NAP1L1: variants seen among roughly 807,000 people sequenced by gnomAD.
NAP1L1 encodes nucleosome assembly protein 1 like 1, also known as nucleosome assembly protein 1-like 1.
A neutral mutation model predicts 58.9 loss-of-function variants in NAP1L1; 9 were observed. The observed-to-expected ratio is 0.15, with a 90% confidence interval of 0.09 to 0.27. The LOEUF is 0.27. NAP1L1 is among the 10% of genes least tolerant of loss of function. The pLI is 1.00. For synonymous variants in NAP1L1, 130 were observed against 138.3 expected (o/e 0.94, Z 0.42); for missense variants, 302 against 458.8 (o/e 0.66, Z 3.12).
At chr12:76,079,320 G>A (rs1465317495) in intron 1 of NAP1L1, among the ~76,000 whole-genome samples, 1 of 152,184 alleles carries the variant, frequency 6.6e-6, no homozygotes, top group African/African-American at 2.4e-5. Context: ...GAGGCCAGGA[G>A]TTCAAGGCCA....
At chr12:76,061,930 G>A (rs557444148) in intron 4 of NAP1L1, among the ~76,000 whole-genome samples, 2 of 152,302 alleles carry the variant, frequency 1.3e-5, no homozygotes, top group East Asian at 1.9e-4. Flanking sequence ...GAACAAGAAT[G>A]AAGTAACTAC....
intron 1 of NAP1L1, among the ~76,000 whole-genome samples, chr12:76,077,992 A>AAAAG (rs1950253409): frequency 6.6e-6 from 1 of 150,658 alleles, no homozygotes; most frequent in Admixed American, 6.6e-5. Flanking sequence ...AAAAAAAAAA[A>AAAAG]AAAAAAAAAG....
intron 2 of NAP1L1, among the ~76,000 whole-genome samples, chr12:76,071,344 C>T (rs1949942777): frequency 6.6e-6 from 1 of 152,198 alleles, no homozygotes; most frequent in Non-Finnish European, 1.5e-5. Context: ...GGAAATCAAG[C>T]TGTCACAACC....
At chr12:76,053,705 G>C in intron 9 of NAP1L1, 65 bp downstream of exon 9, 1 of 1,537,466 alleles carries the variant, frequency 6.5e-7, no homozygotes. Context: ...AAATAACCGA[G>C]TATACAAATC....
chr12:76,042,153 AT>A lies in NAP1L1; in HGVS notation c.*6275del, dbSNP rs1948557554. On this transcript the variant is annotated 3_prime_UTR_variant, in exon 15 of 15. Coordinates refer to ENST00000618691, the MANE Select transcript of NAP1L1 (RefSeq NM_004537.7). Reference sequence around the variant, plus strand: ...TCAGTGTTCTTATGTACACTGAGTAATGCATCCCTTACACCTAGGAGGAATT... The same window carrying A: ...TCAGTGTTCTTATGTACACTGAGTAAGCATCCCTTACACCTAGGAGGAATT... The A allele has an allele frequency of 6.6e-6, 1 of 152,178 alleles. No homozygotes were observed. The highest frequency in any genetic ancestry group is 2.4e-5 in the African/African-American group (1 of 41,440). 9.4% of individuals were successfully genotyped at this position (152,178 alleles called of 1,614,324 possible). A position where few individuals can be genotyped will look rare whatever the true frequency, so the allele number is the denominator to read the frequency against.
chr12:76,074,569 C>A (rs1950103359), intron 1 of NAP1L1, among the ~76,000 whole-genome samples: 1 of 152,144 alleles, frequency 6.6e-6, no homozygotes, highest in Non-Finnish European at 1.5e-5. Flanking sequence ...AGGAACAGTA[C>A]AAAAGGATCT....
chr12:76,048,166 C>A lies in NAP1L1; in HGVS notation c.*263G>T, dbSNP rs114582495. On this transcript the variant is annotated 3_prime_UTR_variant, in exon 15 of 15. Transcript: ENST00000618691. Reference sequence around the variant, plus strand: ...TTTCATAGCTGTACTCCAAGAGCTACATAAAAATATTCCAGAAGAACCAAA... The same window carrying A: ...TTTCATAGCTGTACTCCAAGAGCTAAATAAAAATATTCCAGAAGAACCAAA... The A allele has an allele frequency of 2.4e-6, 1 of 418,204 alleles. No homozygotes were observed. The highest frequency in any genetic ancestry group is 4.2e-6 in the Non-Finnish European group (1 of 236,134). The allele number at this position is 418,204 out of a possible 1,614,324, so 25.9% of individuals were successfully genotyped here. A position where few individuals can be genotyped will look rare whatever the true frequency, so the allele number is the denominator to read the frequency against.
intron 2 of NAP1L1, among the ~76,000 whole-genome samples, chr12:76,073,242 T>G (rs182109332): frequency 1.3e-5 from 2 of 152,264 alleles, no homozygotes; most frequent in Admixed American, 1.3e-4. Context: ...TACTGAAGTT[T>G]CCAGCCCTCC....
At position 76,081,300 on chromosome 12, in the gene NAP1L1, C is replaced by A. The variant is rs1444069976; in HGVS notation, c.-21+3267G>T. ...TTCCTTGTTAAAATGTTGATGCTAC[C>A]TGTCTCTAAGTAAATTAAATGAGCT... On this transcript the variant is annotated intron_variant, in intron 1 of 14. Transcript: ENST00000618691. 9.2e-5 allele frequency among the ~76,000 whole-genome samples: 14 copies of A among 152,132 alleles called. No individual in the cohort carries two copies. The East Asian group carries it at 2.7e-3, about 29-fold the overall frequency.
At chr12:76,064,581 T>C (rs1949576797) in intron 4 of NAP1L1, among the ~76,000 whole-genome samples, 3 of 152,002 alleles carry the variant, frequency 2.0e-5, no homozygotes. Context: ...AAAGACAGTA[T>C]GGAAAAGGAA....
At chr12:76,056,374 G>A (rs1174921831) in intron 6 of NAP1L1, 1 of 482,286 alleles carries the variant, frequency 2.1e-6, no homozygotes, top group East Asian at 3.9e-5. Flanking sequence ...AGGTGACCAA[G>A]ATGTGTAGGA....
intron 11 of NAP1L1, 69 bp downstream of exon 11, chr12:76,053,022 T>A (rs1043911287): frequency 3.4e-6 from 5 of 1,462,962 alleles, no homozygotes; most frequent in Non-Finnish European, 4.7e-6. Flanking sequence ...CACTCTCCAT[T>A]TTTGAAATTC....
chr12:76,050,418 C>G, intron 12 of NAP1L1, 113 bp downstream of exon 12: 1 of 1,323,936 alleles, frequency 7.6e-7, no homozygotes, highest in Non-Finnish European at 1.0e-6. Context: ...AGTAATTAGC[C>G]TAATTTTGAA....
rs1227460508 is a variant in NAP1L1, at chr12:76,082,822, A to G, written c.-21+1745T>C. 4.6e-5 allele frequency among the ~76,000 whole-genome samples: 7 copies of G among 152,328 alleles called. No homozygotes were observed. In the East Asian group the frequency reaches 5.8e-4, roughly 13 times the overall value. On this transcript the variant is annotated intron_variant, in intron 1 of 14. Coordinates refer to ENST00000618691, the MANE Select transcript of NAP1L1 (RefSeq NM_004537.7). Reference sequence around the variant, plus strand: ...ATCAAAGGTAATGTATATTACTTCCAAAGTATAGGAGTATTAATTTAAGCT... The same window carrying G: ...ATCAAAGGTAATGTATATTACTTCCGAAGTATAGGAGTATTAATTTAAGCT...
chr12:76,081,387 A>C (rs556555009), intron 1 of NAP1L1, among the ~76,000 whole-genome samples: 1 of 152,290 alleles, frequency 6.6e-6, no homozygotes, highest in South Asian at 2.1e-4. Context: ...CTATTACATT[A>C]TTTATCCCTG....
At chr12:76,058,005 G>C in intron 6 of NAP1L1, 1 of 815,218 alleles carries the variant, frequency 1.2e-6, no homozygotes, top group South Asian at 1.3e-5. Context: ...TGGTGCCTCA[G>C]TAACAGAGGA....
intron 2 of NAP1L1, among the ~76,000 whole-genome samples, chr12:76,072,523 G>C (rs550910967): frequency 4.8e-4 from 73 of 152,134 alleles, no homozygotes; most frequent in African/African-American, 1.6e-3. Flanking sequence ...CAATCACAAA[G>C]TTCAATCAAG....
At chr12:76,049,661 A>T in intron 13 of NAP1L1, 95 bp downstream of exon 13, 1 of 1,562,006 alleles carries the variant, frequency 6.4e-7, no homozygotes, top group Non-Finnish European at 8.8e-7. Context: ...ATCCCAAATC[A>T]CAGAATGATT....
chr12:76,058,439 C>G (rs539853031), intron 6 of NAP1L1, among the ~76,000 whole-genome samples: 4 of 148,098 alleles, frequency 2.7e-5, no homozygotes, highest in Non-Finnish European at 5.9e-5. Flanking sequence ...TGGGCTGGAG[C>G]GCAGTGGTGC....
Sources: gnomAD v4.1 joint callset for allele counts (sites outside exome capture counted in the v4.1 genomes callset) on GRCh38, gnomAD v4.1.1 for gene constraint, MANE v1.5 for transcripts, NCBI Gene and HGNC (gene_info 2026-07-23, HGNC 2026-07-21) for gene names.